DHRS4: variants seen among roughly 807,000 people sequenced by gnomAD.
The protein encoded by DHRS4 is dehydrogenase/reductase 4, also known as dehydrogenase/reductase SDR family member 4.
Under a neutral mutation model 28.4 loss-of-function variants are expected in DHRS4, and 20 were observed. The observed-to-expected ratio is 0.71, with a 90% CI of 0.50 to 1.02. The LOEUF (loss-of-function observed/expected upper bound fraction) is 1.02. Among genes scored for constraint, DHRS4 ranks in the 50% least tolerant of loss-of-function variants. The pLI is 0.00. For missense variants in DHRS4, 378 were observed against 367.2 expected, an observed-to-expected ratio of 1.03 and a Z score of -0.24; for synonymous variants, 144 against 146.4, an observed-to-expected ratio of 0.98 and a Z score of 0.12.
At chr14:23,956,775 T>G (rs1415869162) in intron 2 of DHRS4, among the ~76,000 whole-genome samples, 1 of 152,076 alleles carries the variant, frequency 6.6e-6, no homozygotes, top group Non-Finnish European at 1.5e-5. Context: ...AGCTAATTTT[T>G]GTATTTTTGG....
chr14:23,964,796 G>A (rs1285482350), intron 3 of DHRS4, among the ~76,000 whole-genome samples: 4 of 146,722 alleles, frequency 2.7e-5, no homozygotes, highest in South Asian at 2.2e-4. Flanking sequence ...GGCTGTTCTC[G>A]AACTCCTGAC....
chr14:23,954,981 T>C, intron 1 of DHRS4, 54 bp from the exon 2 acceptor site: 1 of 1,607,196 alleles, frequency 6.2e-7, no homozygotes. Context: ...GCTCATACTG[T>C]CGACCTCTTC....
rs183179706 is a variant in DHRS4 at position 23,959,223 on chromosome 14, G to A, written c.307-679G>A. Among the ~76,000 whole-genome samples the A allele has an allele frequency of 5.6e-4, 86 of 152,260 alleles. No individual in the cohort carries two copies. The East Asian group carries it at 6.4e-3, about 11-fold the overall frequency. On this transcript the variant is annotated intron_variant, in intron 2 of 7. Transcript: ENST00000313250. ...AAAGGGGAAGTGTAAAGAAAAGAGCGTCAGAGACAGCCTTGGAAGAATAGG... is the reference window on the plus strand; with the variant it reads ...AAAGGGGAAGTGTAAAGAAAAGAGCATCAGAGACAGCCTTGGAAGAATAGG...
intron 3 of DHRS4, among the ~76,000 whole-genome samples, chr14:23,960,494 A>G (rs1439492391): frequency 3.3e-5 from 5 of 152,068 alleles, no homozygotes; most frequent in Non-Finnish European, 7.3e-5. Flanking sequence ...CTTTAAAAAA[A>G]TAAAATAAAA....
Position 23,966,268 on chromosome 14 carries a change from C to A in DHRS4, c.532-15C>A. 1 of 1,608,330 alleles carries A rather than the reference C, an allele frequency of 6.2e-7. No homozygotes were observed. On this transcript the variant is annotated splice_polypyrimidine_tract_variant and intron_variant, in intron 5 of 7. Transcript: ENST00000313250. ...CTGGAAACTATGAGTCTAACACATT[C>A]TCTTCTTTCTCCAGGGCTTCAGTCC... is the stretch of plus-strand genomic sequence containing the variant.
intron 3 of DHRS4, among the ~76,000 whole-genome samples, chr14:23,962,986 AT>A (rs1485287461): frequency 7.3e-6 from 1 of 136,056 alleles, no homozygotes; most frequent in Non-Finnish European, 1.5e-5. Flanking sequence ...GACCAGGTGC[AT>A]TGTCAATGAG....
Position 23,955,193 on chromosome 14 carries a change from G to C in DHRS4, c.287G>C (p.Arg96Pro). ...TGCCATGTGGGGAAGGCGGAGGACC[G>C]GGAGCGGCTGGTGGCCACGGTGAGC... ...TVCHVGKAED[R>P]ERLVATAVKL... Residue 96 changes from arginine (R) to proline (P), a missense_variant, in exon 2 of 8, where the codon CGG (arginine) becomes CCG (proline). By Grantham distance (103) the Arg-to-Pro change is moderately radical (BLOSUM62 -2). Coordinates refer to ENST00000313250, the MANE Select transcript of DHRS4 (RefSeq NM_021004.4). 8 of 1,613,230 alleles carry C rather than the reference G, an allele frequency of 5.0e-6. No individual in the cohort carries two copies. The highest frequency in any genetic ancestry group is 5.9e-6 in the Non-Finnish European group (7 of 1,179,548).
intron 2 of DHRS4, among the ~76,000 whole-genome samples, chr14:23,957,585 C>T (rs1479845220): frequency 6.6e-6 from 1 of 150,618 alleles, no homozygotes; most frequent in Admixed American, 6.6e-5. Context: ...GAGACAGGGC[C>T]TCCTTCTGTT....
chr14:23,960,038 G>GGC, intron 3 of DHRS4, 35 bp downstream of exon 3: 2 of 1,582,746 alleles, frequency 1.3e-6, no homozygotes, highest in African/African-American at 2.9e-5. Flanking sequence ...GCCGGGGGGG[G>GGC]CGCCTTGGAA....
chr14:23,962,720 C>T (rs2033466598), intron 3 of DHRS4, among the ~76,000 whole-genome samples: 1 of 151,214 alleles, frequency 6.6e-6, no homozygotes, highest in South Asian at 2.1e-4. Flanking sequence ...TTTTGACCTC[C>T]TCCCATGAAT....
At chr14:23,962,666 G>A (rs2033463010) in intron 3 of DHRS4, among the ~76,000 whole-genome samples, 2 of 151,518 alleles carry the variant, frequency 1.3e-5, no homozygotes, top group African/African-American at 4.9e-5. Context: ...CGTCATCCAT[G>A]AGGGTTGGAA....
intron 2 of DHRS4, among the ~76,000 whole-genome samples, chr14:23,955,700 C>T (rs2033107493): frequency 6.6e-6 from 1 of 152,092 alleles, no homozygotes; most frequent in Non-Finnish European, 1.5e-5. Flanking sequence ...AGTCTGCAGA[C>T]CCTGGCTCAG....
rs536385398 is a variant in DHRS4, at chr14:23,968,937, C to G, written c.*66C>G. 7.2e-5 allele frequency: 114 copies of G among 1,593,966 alleles called. 1 individual carries two copies. The East Asian group carries it at 2.5e-3, about 36-fold the overall frequency. ...TCCTGGTGCTGTTCCCGCATTCACCCACTGGCCTTTCCCACCTCTGCTCAC... is the reference window on the plus strand; with the variant it reads ...TCCTGGTGCTGTTCCCGCATTCACCGACTGGCCTTTCCCACCTCTGCTCAC... On this transcript the variant is annotated 3_prime_UTR_variant, in exon 8 of 8. Transcript: ENST00000313250.
At chr14:23,954,035 T>G in intron 1 of DHRS4, 119 bp downstream of exon 1, 1 of 1,458,712 alleles carries the variant, frequency 6.9e-7, no homozygotes, top group Non-Finnish European at 9.1e-7. Context: ...AGTCTGGCCC[T>G]GGAAAAAAGG....
rs752533208 is a variant in DHRS4 at position 23,955,040 on chromosome 14, G to T, written c.134G>T (p.Gly45Val). ...TTGTCTCTTTCTGCTCACAGGATCG[G>T]CTTCGCCATCGCCCGGCGTTTGGCC... ...ALVTASTDGI[G>V]FAIARRLAQD... Residue 45 changes from glycine to valine, a missense_variant, in exon 2 of 8, where the codon GGC (glycine) becomes GTC (valine). By Grantham distance (109) the Gly-to-Val change is moderately radical. Coordinates refer to ENST00000313250, the MANE Select transcript of DHRS4 (RefSeq NM_021004.4). 1.2e-6 allele frequency: 2 copies of T among 1,614,168 alleles called. No individual in the cohort carries two copies. The highest frequency in any genetic ancestry group is 3.3e-5 in the Admixed American group (2 of 60,024).
chr14:23,954,790 GA>G (rs2033032419), intron 1 of DHRS4, among the ~76,000 whole-genome samples: 2 of 152,238 alleles, frequency 1.3e-5, no homozygotes, highest in Non-Finnish European at 2.9e-5. Context: ...CCCATGGTGG[GA>G]ACTGTAGAAA....
chr14:23,959,863 T>A (rs1444490830), intron 2 of DHRS4, 39 bp from the exon 3 acceptor site: 1 of 1,603,930 alleles, frequency 6.2e-7, no homozygotes, highest in African/African-American at 1.4e-5. Context: ...CCTCCCTTAC[T>A]TACTGCAGCC....
intron 6 of DHRS4, 108 bp from the exon 7 acceptor site, chr14:23,967,103 A>G (rs1249953827): frequency 1.4e-6 from 2 of 1,417,496 alleles, no homozygotes; most frequent in Non-Finnish European, 1.9e-6. Context: ...GCAGTGAGCC[A>G]AGATAGCGCC....
Position 23,959,932 on chromosome 14 carries a change from C to G in DHRS4, c.337C>G (p.Leu113Val). Residue 113 changes from leucine to valine, a missense_variant, in exon 3 of 8, where the codon CTA becomes GTA. Physicochemically the swap from Leu to Val is conservative, Grantham distance 32. Transcript: ENST00000313250. The stretch of plus-strand genomic sequence containing the variant: ...GAAGCTTCATGGAGGTATCGATATC[C>G]TAGTCTCCAATGCTGCTGTCAACCC... ...AVKLHGGIDI[L>V]VSNAAVNPFF... The G allele has an allele frequency of 6.2e-7, 1 of 1,612,088 alleles. No homozygotes were observed. The highest frequency in any genetic ancestry group is 8.5e-7 in the Non-Finnish European group (1 of 1,179,882).
Sources: allele counts gnomAD v4.1 joint callset (sites outside exome capture counted in the v4.1 genomes callset), GRCh38; gene constraint gnomAD v4.1.1; transcripts MANE v1.5; gene names NCBI Gene and HGNC (gene_info 2026-07-23, HGNC 2026-07-21).